The following BRSK2 variants were observed in gnomAD, a reference collection of about 807,000 sequenced individuals.
BRSK2 encodes the protein BR serine/threonine kinase 2, also known as serine/threonine-protein kinase BRSK2.
A neutral mutation model predicts 83.3 loss-of-function variants in BRSK2; 19 were observed. The ratio of observed to expected loss-of-function variants is 0.23; its 90% CI spans 0.16 to 0.33. The LOEUF (loss-of-function observed/expected upper bound fraction) is 0.33, where lower values mean the gene tolerates loss of function less well. Ranked by LOEUF, BRSK2 falls within the 10% of genes least tolerant of loss-of-function variation. The pLI is 1.00. For missense variants in BRSK2, 798 were observed against 1,042.3 expected (o/e 0.77, Z 3.23); for synonymous variants, 519 against 435.4 (o/e 1.19, Z -2.39).
In BRSK2 at chr11:1,456,705, C is replaced by T. The variant is rs780482788; in HGVS notation, c.1939+18C>T. On this transcript the variant is annotated intron_variant, in intron 18 of 19. Coordinates refer to ENST00000528841, the MANE Select transcript of BRSK2 (RefSeq NM_001256627.2). The stretch of plus-strand genomic sequence containing the variant: ...CTTGTCAGGTGAGGCGGGCTCAGCT[C>T]CGGCCAACCTGCGGCCTGCGAGTGG... 1.9e-6 allele frequency: 3 copies of T among 1,576,362 alleles called. No individual in the cohort carries two copies. The African/African-American group carries it at 4.0e-5, about 21-fold the overall frequency.
rs533993381 is a variant in BRSK2, at chr11:1,435,960, C to T, written c.92-80C>T. ...CTGCTGTCCAGGACGTGGGAGGAGG[C>T]CCCCAACCTGCACTGTCCGGCTGGG... On this transcript the variant is annotated intron_variant, in intron 1 of 19. Transcript: ENST00000528841. The T allele has an allele frequency of 5.6e-6, 6 of 1,075,930 alleles. No homozygotes were observed. The African/African-American group carries it at 7.9e-5, about 14-fold the overall frequency. 66.6% of individuals were successfully genotyped at this position (1,075,930 alleles called of 1,614,324 possible).
chr11:1,413,007 C>T (rs891253150), intron 1 of BRSK2, among the ~76,000 whole-genome samples: 8 of 152,140 alleles, frequency 5.3e-5, no homozygotes, highest in Admixed American at 1.3e-4. Context: ...GCGCTGCCCC[C>T]GGCACCCCAG....
Position 1,445,424 on chromosome 11 carries a change from C to G in BRSK2, c.943C>G (p.Arg315Gly). ...GCACTCACTGGGCTGCTTCCGAGAC[C>G]GCAACAAGCTGCTGCAGGACCTGCT... The part of the protein sequence containing the change: ...SMHSLGCFRD[R>G]NKLLQDLLSE... The change falls in exon 10 of 20, where the codon CGC becomes GGC. Residue 315 changes from arginine (R) to glycine (G), a missense_variant. Arg to Gly is a moderately radical substitution (Grantham distance 125). Around this residue, in one of 6 missense-constraint regions of BRSK2, gnomAD observed 145 missense variants for 225.4 expected, o/e 0.64. Transcript: ENST00000528841. 1 of 1,611,916 alleles carries G rather than the reference C, an allele frequency of 6.2e-7. No homozygotes were observed. The highest frequency in any genetic ancestry group is 8.5e-7 in the Non-Finnish European group (1 of 1,179,674).
In BRSK2 at chr11:1,454,439, C is replaced by A; in HGVS notation, c.1545-46C>A. The A allele has an allele frequency of 1.2e-6, 2 of 1,606,528 alleles. No individual in the cohort carries two copies. Among genetic ancestry groups the A allele is most frequent in the Non-Finnish European group, 1.7e-6 (2 of 1,175,666 alleles). ...GATTCGAGGGAGGCAGGGGTGTGGACGGTGCCACACCTCAATCCTCACAGC... is the reference window on the plus strand; with the variant it reads ...GATTCGAGGGAGGCAGGGGTGTGGAAGGTGCCACACCTCAATCCTCACAGC... On this transcript the variant is annotated intron_variant, in intron 15 of 19. Transcript: ENST00000528841. This position sits in a 1 kb window ranked among gnomAD's most constrained non-coding sequence, Gnocchi z 5.2.
rs1253405109 is a variant in BRSK2 at position 1,461,241 on chromosome 11, T to C, written c.*518T>C. On this transcript the variant is annotated 3_prime_UTR_variant, in exon 20 of 20. Coordinates refer to ENST00000528841, the MANE Select transcript of BRSK2 (RefSeq NM_001256627.2). ...GCAAGAACAGCCTGCCTGGTGGCCTTCTGGGGCCAGGACCCCTGGTGGGCA... is the reference window on the plus strand; with the variant it reads ...GCAAGAACAGCCTGCCTGGTGGCCTCCTGGGGCCAGGACCCCTGGTGGGCA... 1.4e-5 allele frequency: 8 copies of C among 584,054 alleles called. No individual in the cohort carries two copies. Among genetic ancestry groups the C allele is most frequent in the East Asian group, 3.2e-5 (1 of 31,406 alleles). 36.2% of individuals were successfully genotyped at this position (584,054 alleles called of 1,614,324 possible).
At chr11:1,396,639 T>C (rs1449748959) in intron 1 of BRSK2, among the ~76,000 whole-genome samples, 1 of 152,224 alleles carries the variant, frequency 6.6e-6, no homozygotes, top group Non-Finnish European at 1.5e-5. Context: ...TGGCGCTTGC[T>C]TGAGGGCTTC....
At chr11:1,403,900 G>A (rs1296082880) in intron 1 of BRSK2, among the ~76,000 whole-genome samples, 1 of 152,178 alleles carries the variant, frequency 6.6e-6, no homozygotes, top group Non-Finnish European at 1.5e-5. Context: ...CGGGCTCCAG[G>A]CCCCACTGCC....
chr11:1,423,804 C>T lies in BRSK2; in HGVS notation c.92-12236C>T, dbSNP rs374116978. On this transcript the variant is annotated intron_variant, in intron 1 of 19. Coordinates refer to ENST00000528841, the MANE Select transcript of BRSK2 (RefSeq NM_001256627.2). This position sits in a 1 kb window ranked among gnomAD's most constrained non-coding sequence, Gnocchi z 6.5. ...CGTTCCGGGTGCCCCAGGCCTCCCCCGCTGGGCGTTCCGGGTGCCCCAGGC... is the reference window on the plus strand; with the variant it reads ...CGTTCCGGGTGCCCCAGGCCTCCCCTGCTGGGCGTTCCGGGTGCCCCAGGC... 3.2e-5 allele frequency among the ~76,000 whole-genome samples: 4 copies of T among 123,318 alleles called. No homozygotes were observed. Among genetic ancestry groups the T allele is most frequent in the Admixed American group, 1.7e-4 (2 of 12,092 alleles). The allele number at this position is 123,318 out of a possible 152,430, so 80.9% of individuals were successfully genotyped here. A position where few individuals can be genotyped will look rare whatever the true frequency, so the allele number is the denominator to read the frequency against.
At chr11:1,391,105 C>T (rs1464804257) in intron 1 of BRSK2, among the ~76,000 whole-genome samples, 1 of 152,210 alleles carries the variant, frequency 6.6e-6, no homozygotes, top group East Asian at 1.9e-4. Flanking sequence ...AGGCCGGGTC[C>T]CTGCGGGGCC....
At chr11:1,391,846 A>G (rs1196556656) in intron 1 of BRSK2, among the ~76,000 whole-genome samples, 5 of 152,166 alleles carry the variant, frequency 3.3e-5, no homozygotes, top group Non-Finnish European at 1.5e-5. Context: ...TGAAGACACG[A>G]TGAGTTATGT....
chr11:1,398,208 G>A (rs1846244101), intron 1 of BRSK2, among the ~76,000 whole-genome samples: 1 of 152,198 alleles, frequency 6.6e-6, no homozygotes. Context: ...GCAGTGCCTA[G>A]TGGCCCTCCA....
chr11:1,426,298 G>T, intron 1 of BRSK2, among the ~76,000 whole-genome samples: 1 of 151,716 alleles, frequency 6.6e-6, no homozygotes, highest in Non-Finnish European at 1.5e-5. Context: ...CTGGGGATGT[G>T]TGTGGGGCGT....
At chr11:1,409,936 G>T (rs1470103808) in intron 1 of BRSK2, 1 of 136,910 alleles carries the variant, frequency 7.3e-6, no homozygotes, top group Non-Finnish European at 1.6e-5. Flanking sequence ...TGGGACGTCG[G>T]CCTCGCAGAG....
At chr11:1,401,310 C>T (rs2134049492) in intron 1 of BRSK2, among the ~76,000 whole-genome samples, 1 of 152,368 alleles carries the variant, frequency 6.6e-6, no homozygotes, top group South Asian at 2.1e-4. Flanking sequence ...GATTTCCTGC[C>T]AGTGTCTGTG....
At chr11:1,429,228 GCC>G in intron 1 of BRSK2, among the ~76,000 whole-genome samples, 1 of 150,248 alleles carries the variant, frequency 6.7e-6, no homozygotes, top group African/African-American at 2.5e-5. Flanking sequence ...GTGGGCGTGT[GCC>G]CATGGGTGTG....
At chr11:1,428,229 C>T (rs900105055) in intron 1 of BRSK2, among the ~76,000 whole-genome samples, 36 of 152,180 alleles carry the variant, frequency 2.4e-4, no homozygotes, top group African/African-American at 8.4e-4. Context: ...GCAGGAGGCT[C>T]TTGGTGGCTG....
intron 1 of BRSK2, among the ~76,000 whole-genome samples, chr11:1,416,942 C>T (rs1158462937): frequency 5.3e-5 from 8 of 152,124 alleles, no homozygotes; most frequent in African/African-American, 1.2e-4. Context: ...GGGCGGATCA[C>T]GAGGTCAGGC....
intron 1 of BRSK2, among the ~76,000 whole-genome samples, chr11:1,426,146 C>G (rs933606435): frequency 6.6e-6 from 1 of 152,162 alleles, no homozygotes; most frequent in African/African-American, 2.4e-5. Flanking sequence ...CTCTGGGCAC[C>G]CAGCTGCATG....
chr11:1,415,980 A>G (rs1564812166), intron 1 of BRSK2, among the ~76,000 whole-genome samples: 2 of 152,352 alleles, frequency 1.3e-5, no homozygotes, highest in East Asian at 3.9e-4. Flanking sequence ...TGAGAGTTTC[A>G]AAGTCCATTG....
Sources: gnomAD v4.1 joint callset for allele counts (sites outside exome capture counted in the v4.1 genomes callset) on GRCh38, gnomAD v4.1.1 for gene constraint, gnomAD v4.1.1 regional missense constraint, Gnocchi (gnomAD v3.1) non-coding constraint, MANE v1.5 for transcripts, NCBI Gene and HGNC (gene_info 2026-07-23, HGNC 2026-07-21) for gene names.